Variants in TSGA10 observed in about 807,000 individuals in gnomAD.
TSGA10 encodes testis specific 10.
In TSGA10, 43 loss-of-function variants were observed where a neutral mutation model predicts 96.6. The ratio of observed to expected loss-of-function variants is 0.44; its 90% CI spans 0.35 to 0.57. The LOEUF is 0.57. Ranked by LOEUF, TSGA10 falls within the 20% of genes least tolerant of loss-of-function variation. The pLI is 0.01. For synonymous variants in TSGA10, 229 were observed against 269.9 expected (o/e 0.85, Z 1.48); for missense variants, 703 against 834.4 (o/e 0.84, Z 1.94).
intron 20 of TSGA10, among the ~76,000 whole-genome samples, chr2:98,999,148 A>C (rs144093765): frequency 0.011 from 1,629 of 152,228 alleles, 9 homozygotes; most frequent in Middle Eastern, 0.027. Context: ...CTCCCACCTC[A>C]GCCTCCTAAA....
intron 1 of TSGA10, among the ~76,000 whole-genome samples, chr2:99,130,947 G>A (rs78142075): frequency 0.59 from 89,832 of 151,870 alleles, 27,512 homozygotes; most frequent in East Asian, 0.88. Flanking sequence ...GTGTGGCGTT[G>A]TTTCTGAGGC....
At position 99,071,690 on chromosome 2, in the gene TSGA10, C is replaced by G. The variant is rs370015756; in HGVS notation, c.1107+16G>C. The G allele has an allele frequency of 3.0e-5, 48 of 1,588,136 alleles. No individual in the cohort carries two copies. The highest frequency in any genetic ancestry group is 3.8e-5 in the Non-Finnish European group (45 of 1,169,176). On this transcript the variant is annotated intron_variant, in intron 14 of 20. Transcript: ENST00000393483. Reference sequence around the variant, plus strand: ...TTTTTTTTTCTTGGAGAAAATGATTCTAGGAACAAGTGTACCTGGTTTTCT... The same window carrying G: ...TTTTTTTTTCTTGGAGAAAATGATTGTAGGAACAAGTGTACCTGGTTTTCT...
rs769105930 is a variant in TSGA10 at position 99,118,308 on chromosome 2, G to A, written c.-356+243C>T. On this transcript the variant is annotated intron_variant, in intron 3 of 20. Transcript: ENST00000393483. ...TCTACTAAAAATACAAAAATCAGCC[G>A]GGCATGGTGGCGAGTGCCCGTAGTC... Among the ~76,000 whole-genome samples the A allele has an allele frequency of 1.6e-4, 25 of 151,570 alleles. 1 individual carries two copies. The Middle Eastern group carries it at 0.02, about 124-fold the overall frequency.
rs183022070 is a variant in TSGA10, at chr2:99,043,662, C to G, written c.1405-8223G>C. On this transcript the variant is annotated intron_variant, in intron 16 of 20. Transcript: ENST00000393483. ...AAATGGCTTGTCAATTGCACAGGAACTCCAATAATATTAACAACTGGCTTC... is the reference window on the plus strand; with the variant it reads ...AAATGGCTTGTCAATTGCACAGGAAGTCCAATAATATTAACAACTGGCTTC... Among the ~76,000 whole-genome samples, 9 of 152,230 alleles carry G rather than the reference C, an allele frequency of 5.9e-5. No individual in the cohort carries two copies. In the East Asian group the frequency reaches 1.5e-3, roughly 26 times the overall value.
intron 4 of TSGA10, among the ~76,000 whole-genome samples, chr2:99,114,218 GA>G (rs2092057927): frequency 6.6e-6 from 1 of 152,114 alleles, no homozygotes; most frequent in Non-Finnish European, 1.5e-5. Context: ...AATCGAATTA[GA>G]AATCTTGTTT....
At chr2:99,115,452 T>C (rs1288228503) in intron 4 of TSGA10, among the ~76,000 whole-genome samples, 1 of 151,968 alleles carries the variant, frequency 6.6e-6, no homozygotes, top group African/African-American at 2.4e-5. Flanking sequence ...ACAGCATCCA[T>C]TTGAAGATAA....
chr2:99,078,270 T>TG (rs2086990845), intron 12 of TSGA10, among the ~76,000 whole-genome samples: 3 of 76,598 alleles, frequency 3.9e-5, no homozygotes, highest in East Asian at 3.0e-4. Flanking sequence ...GACTCCCGTT[T>TG]GAAAAAAAAA....
intron 1 of TSGA10, among the ~76,000 whole-genome samples, chr2:99,152,362 G>C (rs1367236381): frequency 1.3e-5 from 2 of 152,126 alleles, no homozygotes; most frequent in Non-Finnish European, 2.9e-5. Flanking sequence ...TCATAGCTCA[G>C]TGCAGTGTCG....
intron 10 of TSGA10, among the ~76,000 whole-genome samples, chr2:99,101,284 T>C (rs1366288143): frequency 2.2e-5 from 2 of 90,914 alleles, no homozygotes; most frequent in African/African-American, 7.5e-5. Flanking sequence ...ATAAATCAAA[T>C]GGGAAAGATG....
intron 7 of TSGA10, among the ~76,000 whole-genome samples, chr2:99,106,214 G>T (rs2091319709): frequency 6.6e-6 from 1 of 152,076 alleles, no homozygotes; most frequent in South Asian, 2.1e-4. Flanking sequence ...TTCCAAACCT[G>T]CAGATTATTT....
At chr2:99,101,319 G>A (rs183280904) in intron 10 of TSGA10, among the ~76,000 whole-genome samples, 76 of 139,406 alleles carry the variant, frequency 5.5e-4, no homozygotes, top group African/African-American at 1.9e-3. Context: ...CATAAATAAC[G>A]TCTGTTAATA....
At chr2:99,047,666 A>G (rs576556088) in intron 16 of TSGA10, among the ~76,000 whole-genome samples, 5 of 152,328 alleles carry the variant, frequency 3.3e-5, no homozygotes, top group African/African-American at 9.6e-5. Context: ...GACTGGCACA[A>G]GAGGGGGATG....
chr2:99,117,405 G>C (rs998984351), intron 4 of TSGA10, 139 bp downstream of exon 4: 7 of 244,566 alleles, frequency 2.9e-5, no homozygotes, highest in Admixed American at 2.0e-4. Context: ...TTAATCCTTA[G>C]AACAGACATT....
intron 10 of TSGA10, among the ~76,000 whole-genome samples, chr2:99,087,008 T>C (rs1033279177): frequency 6.6e-6 from 1 of 151,644 alleles, no homozygotes; most frequent in Non-Finnish European, 1.5e-5. Context: ...ATTGAGACCA[T>C]CCTGGCTAAC....
rs1484298571 is a variant in TSGA10, at chr2:99,023,780, T to C, written c.1615-3298A>G. On this transcript the variant is annotated intron_variant, in intron 17 of 20. Coordinates refer to ENST00000393483, the MANE Select transcript of TSGA10 (RefSeq NM_025244.4). ...GTCTTTCCTTATGCTAGTACCACAT[T>C]GTCTTGATTACTTCAGTTTTGCAGC... is the stretch of plus-strand genomic sequence containing the variant. Among the ~76,000 whole-genome samples, 3 of 152,218 alleles carry C rather than the reference T, an allele frequency of 2.0e-5. No individual in the cohort carries two copies. The East Asian group carries it at 5.8e-4, about 29-fold the overall frequency.
chr2:99,102,579 A>AC lies in TSGA10; in HGVS notation c.611+1387_611+1388insG. 5.0e-6 allele frequency: 8 copies of AC among 1,614,090 alleles called. 1 individual carries two copies. Among genetic ancestry groups the AC allele is most frequent in the Admixed American group, 1.7e-5 (1 of 60,002 alleles). On this transcript the variant is annotated intron_variant, in intron 10 of 20. Transcript: ENST00000393483. ...GCACAGAAAGGCTGTGTCAGATATG[A>AC]TTATGGAACTTGCTGTACATGCTCA...
chr2:99,102,867 A>G, intron 10 of TSGA10: 1 of 760,724 alleles, frequency 1.3e-6, no homozygotes, highest in Non-Finnish European at 2.3e-6. Context: ...TTAAAGCATC[A>G]TAGTCCTTTT....
chr2:99,105,480 T>G, intron 8 of TSGA10, 44 bp from the exon 9 acceptor site: 1 of 1,613,838 alleles, frequency 6.2e-7, no homozygotes, highest in Non-Finnish European at 8.5e-7. Flanking sequence ...TCAATATCCC[T>G]GAATTTGTGT....
At chr2:99,002,742 C>T (rs61342827) in intron 20 of TSGA10, among the ~76,000 whole-genome samples, 1 of 152,048 alleles carries the variant, frequency 6.6e-6, no homozygotes, top group East Asian at 1.9e-4. Flanking sequence ...AGGAGACCCA[C>T]CTCACATGCA....
Sources: allele counts gnomAD v4.1 joint callset (sites outside exome capture counted in the v4.1 genomes callset), GRCh38; gene constraint gnomAD v4.1.1; transcripts MANE v1.5; gene names NCBI Gene and HGNC (gene_info 2026-07-23, HGNC 2026-07-21).